Variants in ARHGAP12 observed in about 807,000 individuals in gnomAD.
ARHGAP12 encodes Rho GTPase activating protein 12.
A neutral mutation model predicts 108.6 loss-of-function variants in ARHGAP12; 64 were observed. The ratio of observed to expected loss-of-function variants is 0.59; its 90% confidence interval spans 0.48 to 0.73. The LOEUF is 0.73. ARHGAP12 is among the 30% of genes least tolerant of loss of function. The pLI is 0.00. For missense variants in ARHGAP12, 940 were observed against 1,005.9 expected (o/e 0.93, Z 0.89); for synonymous variants, 312 against 337.2 (o/e 0.93, Z 0.82).
At chr10:31,834,734 T>C (rs1835949564) in intron 9 of ARHGAP12, among the ~76,000 whole-genome samples, 1 of 152,144 alleles carries the variant, frequency 6.6e-6, no homozygotes, top group Admixed American at 6.5e-5. Context: ...TCAATACATA[T>C]ATGATGAAGT....
chr10:31,918,391 C>G (rs111561019), intron 1 of ARHGAP12, among the ~76,000 whole-genome samples: 1 of 150,642 alleles, frequency 6.6e-6, no homozygotes, highest in Non-Finnish European at 1.5e-5. Flanking sequence ...CCCAACAGGA[C>G]GGCTATCATT....
intron 9 of ARHGAP12, among the ~76,000 whole-genome samples, chr10:31,834,856 A>G (rs1835953446): frequency 6.6e-6 from 1 of 152,208 alleles, no homozygotes; most frequent in Admixed American, 6.5e-5. Flanking sequence ...TGACATAAAA[A>G]TAAATAGGCA....
Position 31,918,801 on chromosome 10 carries a change from C to T in ARHGAP12, c.-110-8238G>A, listed in dbSNP as rs149757480. Among the ~76,000 whole-genome samples the T allele has an allele frequency of 1.1e-3, 164 of 152,296 alleles. 2 individuals are homozygous for T. Among genetic ancestry groups the T allele is most frequent in the East Asian group, 7.7e-4 (4 of 5,186 alleles). On this transcript the variant is annotated intron_variant, in intron 1 of 19. Transcript: ENST00000344936. ...CTGCTGGTGGAAATGTAAAGTGGTA[C>T]AGCCACTAGGGAAAATGGTATGGTA...
intron 2 of ARHGAP12, among the ~76,000 whole-genome samples, chr10:31,910,023 C>A (rs935133626): frequency 6.6e-5 from 10 of 152,260 alleles, no homozygotes; most frequent in Middle Eastern, 3.4e-3. Context: ...CCAAGGACTG[C>A]TGGCAACCAC....
At chr10:31,879,504 A>T (rs1191877478) in intron 3 of ARHGAP12, among the ~76,000 whole-genome samples, 3 of 152,204 alleles carry the variant, frequency 2.0e-5, no homozygotes, top group Non-Finnish European at 4.4e-5. Flanking sequence ...TTGAAAATAT[A>T]ATTTTATTAG....
rs533604000 is a variant in ARHGAP12 at position 31,906,908 on chromosome 10, CTA to C, written c.684+1262_684+1263del. Among the ~76,000 whole-genome samples the C allele has an allele frequency of 2.2e-3, 334 of 152,236 alleles. 2 individuals carry two copies. The highest frequency in any genetic ancestry group is 6.8e-3 in the Middle Eastern group (2 of 294). On this transcript the variant is annotated intron_variant, in intron 3 of 19. Transcript: ENST00000344936. ...AAATATAGAAAAATTCCAGGAAAGACTATATATTCTATGTCAGAGTATCACAT... is the reference window on the plus strand; with the variant it reads ...AAATATAGAAAAATTCCAGGAAAGACTATATTCTATGTCAGAGTATCACAT...
intron 1 of ARHGAP12, among the ~76,000 whole-genome samples, chr10:31,921,580 A>G (rs1448443530): frequency 2.0e-5 from 3 of 151,560 alleles, no homozygotes; most frequent in African/African-American, 4.8e-5. Context: ...CCTGACCAAC[A>G]TGGTGAAACC....
chr10:31,809,213 A>C lies in ARHGAP12; in HGVS notation c.2128+17T>G. On this transcript the variant is annotated intron_variant, in intron 17 of 19. Coordinates refer to ENST00000344936, the MANE Select transcript of ARHGAP12 (RefSeq NM_018287.7). ...ATGAGTGATGCATCTGAATAACAAC[A>C]GTAAATATAATCTTACCATGATTGA... 1 of 1,613,744 alleles carries C rather than the reference A, an allele frequency of 6.2e-7. No individual in the cohort carries two copies. The highest frequency in any genetic ancestry group is 8.5e-7 in the Non-Finnish European group (1 of 1,179,736).
At chr10:31,912,489 T>C (rs1413837328) in intron 1 of ARHGAP12, among the ~76,000 whole-genome samples, 1 of 152,120 alleles carries the variant, frequency 6.6e-6, no homozygotes, top group Non-Finnish European at 1.5e-5. Context: ...TTCCCCACAG[T>C]GACTACAAAG....
At chr10:31,817,124 T>C (rs755029471) in intron 13 of ARHGAP12, among the ~76,000 whole-genome samples, 8 of 152,038 alleles carry the variant, frequency 5.3e-5, no homozygotes, top group African/African-American at 9.7e-5. Context: ...AATGGGAGGA[T>C]TGCTGGAGCC....
At chr10:31,856,437 C>T (rs1836888716) in intron 4 of ARHGAP12, among the ~76,000 whole-genome samples, 1 of 152,092 alleles carries the variant, frequency 6.6e-6, no homozygotes, top group South Asian at 2.1e-4. Flanking sequence ...AAGAATTATA[C>T]CCACAAATTA....
intron 1 of ARHGAP12, among the ~76,000 whole-genome samples, chr10:31,923,042 G>A (rs1262406443): frequency 2.0e-5 from 3 of 148,838 alleles, no homozygotes; most frequent in South Asian, 4.2e-4. Flanking sequence ...AAAGTGGGAA[G>A]CCTGTTTGAG....
At chr10:31,819,662 A>C (rs1835336842) in intron 12 of ARHGAP12, among the ~76,000 whole-genome samples, 1 of 152,170 alleles carries the variant, frequency 6.6e-6, no homozygotes, top group African/African-American at 2.4e-5. Flanking sequence ...TCCCTTGAGA[A>C]TGAAAGATCT....
chr10:31,807,432 G>T lies in ARHGAP12; in HGVS notation c.*226C>A. 2.6e-6 allele frequency: 1 copy of T among 389,902 alleles called. No individual in the cohort carries two copies. Among genetic ancestry groups the T allele is most frequent in the Non-Finnish European group, 4.6e-6 (1 of 219,610 alleles). The allele number at this position is 389,902 out of a possible 1,614,324, so 24.2% of individuals were successfully genotyped here. A position where few individuals can be genotyped will look rare whatever the true frequency, so the allele number is the denominator to read the frequency against. On this transcript the variant is annotated 3_prime_UTR_variant, in exon 20 of 20. Transcript: ENST00000344936. ...CAGAGTATGAAATGCAAACATTCAG[G>T]ATAAAATGAATTCATAATTACACGC... is the stretch of plus-strand genomic sequence containing the variant.
rs1252999596 is a variant in ARHGAP12, at chr10:31,862,719, C to G, written c.685-1061G>C. 2.3e-3 allele frequency among the ~76,000 whole-genome samples: 331 copies of G among 142,888 alleles called. 1 individual carries two copies. The highest frequency in any genetic ancestry group is 5.7e-3 in the East Asian group (27 of 4,760). 93.7% of individuals were successfully genotyped at this position (142,888 alleles called of 152,430 possible). On this transcript the variant is annotated intron_variant, in intron 3 of 19. Coordinates refer to ENST00000344936, the MANE Select transcript of ARHGAP12 (RefSeq NM_018287.7). Reference sequence around the variant, plus strand: ...ATGCACACACAGACACACACACACACACACACACACACACACACACACACA... The same window carrying G: ...ATGCACACACAGACACACACACACAGACACACACACACACACACACACACA...
rs1253095088 is a variant in ARHGAP12, at chr10:31,893,013, C to T, written c.684+15159G>A. Among the ~76,000 whole-genome samples, 7 of 151,976 alleles carry T rather than the reference C, an allele frequency of 4.6e-5. No individual in the cohort carries two copies. The East Asian group carries it at 1.3e-3, about 29-fold the overall frequency. On this transcript the variant is annotated intron_variant, in intron 3 of 19. Transcript: ENST00000344936. ...TCCTGAATGACTACTGGGTACATAA[C>T]AAAATGAAGGCAGAAATAAAGATGT...
chr10:31,928,291 C>A lies in ARHGAP12; in HGVS notation c.-111+392G>T, dbSNP rs1840147147. ...CTTGTGCACACACGCGCGCACTCTC[C>A]CGCACTCACACACACACCCGCGCAC... On this transcript the variant is annotated intron_variant, in intron 1 of 19. Coordinates refer to ENST00000344936, the MANE Select transcript of ARHGAP12 (RefSeq NM_018287.7). 4.0e-5 allele frequency among the ~76,000 whole-genome samples: 6 copies of A among 151,730 alleles called. No homozygotes were observed. The South Asian group carries it at 1.2e-3, about 32-fold the overall frequency.
chr10:31,924,142 G>A (rs894508391), intron 1 of ARHGAP12, among the ~76,000 whole-genome samples: 1 of 152,064 alleles, frequency 6.6e-6, no homozygotes, highest in Admixed American at 6.6e-5. Context: ...AAAATAATTT[G>A]GTAATTTCTA....
chr10:31,906,176 G>A (rs1839126117), intron 3 of ARHGAP12, among the ~76,000 whole-genome samples: 1 of 152,102 alleles, frequency 6.6e-6, no homozygotes, highest in African/African-American at 2.4e-5. Context: ...AGCCCCTCCA[G>A]CCCCAGCCTT....
Sources: allele counts gnomAD v4.1 joint callset (sites outside exome capture counted in the v4.1 genomes callset), GRCh38; gene constraint gnomAD v4.1.1; transcripts MANE v1.5; gene names NCBI Gene and HGNC (gene_info 2026-07-23, HGNC 2026-07-21).